The following PIK3CB variants were observed in gnomAD, a reference collection of about 807,000 sequenced individuals.
PIK3CB encodes phosphatidylinositol-4,5-bisphosphate 3-kinase catalytic subunit beta, also known as phosphatidylinositol 4,5-bisphosphate 3-kinase catalytic subunit beta isoform.
In PIK3CB, 39 loss-of-function variants were observed where a neutral mutation model predicts 136.8. That is an observed-to-expected ratio of 0.29 (90% CI 0.22 to 0.37). The LOEUF (loss-of-function observed/expected upper bound fraction) is 0.37. PIK3CB is among the 10% of genes least tolerant of loss of function. The pLI, the probability that PIK3CB is intolerant of heterozygous loss-of-function variation, is 1.00. For missense variants in PIK3CB, 868 were observed against 1,275.4 expected, an observed-to-expected ratio of 0.68 and a Z score of 4.87; for synonymous variants, 428 against 436.6, an observed-to-expected ratio of 0.98 and a Z score of 0.25.
intron 1 of PIK3CB, among the ~76,000 whole-genome samples, chr3:138,830,114 CAA>C (rs1339107433): frequency 6.6e-6 from 1 of 152,094 alleles, no homozygotes; most frequent in African/African-American, 2.4e-5. Flanking sequence ...TTGAACTCAA[CAA>C]GAGAAGGAAA....
At position 138,693,240 on chromosome 3, in the gene PIK3CB, C is replaced by T. The variant is rs533889638; in HGVS notation, c.1892+1546G>A. Among the ~76,000 whole-genome samples, 51 of 151,962 alleles carry T rather than the reference C, an allele frequency of 3.4e-4. 1 individual carries two copies. Among genetic ancestry groups the T allele is most frequent in the African/African-American group, 8.5e-4 (35 of 41,394 alleles). ...GCCCAAGTAGCTGGGACCACAGGTGCGCACCTCCACGCCCAGCTAATGTCT... is the reference window on the plus strand; with the variant it reads ...GCCCAAGTAGCTGGGACCACAGGTGTGCACCTCCACGCCCAGCTAATGTCT... On this transcript the variant is annotated intron_variant, in intron 14 of 23. Transcript: ENST00000674063.
rs565703377 is a variant in PIK3CB, at chr3:138,830,684, G to C, written c.-122+4011C>G. 4.6e-5 allele frequency among the ~76,000 whole-genome samples: 7 copies of C among 151,946 alleles called. No homozygotes were observed. The East Asian group carries it at 7.8e-4, about 17-fold the overall frequency. ...GGAGGCCGAGATGGGCGGATCACGA[G>C]GTCAGGAGATCGAGACCATCCTGGT... On this transcript the variant is annotated intron_variant, in intron 1 of 23. Coordinates refer to ENST00000674063, the MANE Select transcript of PIK3CB (RefSeq NM_006219.3).
intron 2 of PIK3CB, among the ~76,000 whole-genome samples, chr3:138,790,921 C>T (rs2046041566): frequency 6.6e-6 from 1 of 151,700 alleles, no homozygotes; most frequent in African/African-American, 2.4e-5. Context: ...CGAGATCACA[C>T]CACTGCACTC....
intron 13 of PIK3CB, among the ~76,000 whole-genome samples, 185 bp from the exon 14 acceptor site, chr3:138,695,092 A>G (rs936524022): frequency 7.2e-5 from 11 of 152,218 alleles, no homozygotes; most frequent in African/African-American, 2.7e-4. Flanking sequence ...GAAACATTCT[A>G]TAGATTAAGT....
intron 21 of PIK3CB, among the ~76,000 whole-genome samples, chr3:138,660,721 A>G (rs1271544658): frequency 6.6e-6 from 1 of 152,266 alleles, no homozygotes; most frequent in Admixed American, 6.5e-5. Flanking sequence ...ACAAAAAAAG[A>G]TAAGTATGTG....
At chr3:138,669,639 G>A (rs1198735440) in intron 19 of PIK3CB, among the ~76,000 whole-genome samples, 3 of 152,238 alleles carry the variant, frequency 2.0e-5, no homozygotes, top group East Asian at 3.9e-4. Context: ...AGGTCAGGGA[G>A]TCCTAACACA....
At position 138,684,656 on chromosome 3, in the gene PIK3CB, G is replaced by A. The variant is rs1577069690; in HGVS notation, c.2284C>T (p.Leu762=). 6.2e-7 allele frequency: 1 copy of A among 1,613,864 alleles called. No individual in the cohort carries two copies. The highest frequency in any genetic ancestry group is 8.5e-7 in the Non-Finnish European group (1 of 1,179,878). Residue 762 remains leucine (L), a synonymous_variant, in exon 17 of 24, where the codon CTG becomes TTG. Coordinates refer to ENST00000674063, the MANE Select transcript of PIK3CB (RefSeq NM_006219.3). ...REALSDLQSP[L]NPCVILSELY... ...TCTGAGAGGATAACACATGGGTTCA[G>A]GGGTGACTGCAGGTCAGAGAGGGCT...
At chr3:138,827,499 A>G (rs1347499380) in intron 1 of PIK3CB, among the ~76,000 whole-genome samples, 1 of 152,082 alleles carries the variant, frequency 6.6e-6, no homozygotes. Context: ...CTTCTACCTA[A>G]GAAATTTTTT....
intron 13 of PIK3CB, among the ~76,000 whole-genome samples, chr3:138,696,435 C>T (rs1442586816): frequency 6.6e-6 from 1 of 152,050 alleles, no homozygotes; most frequent in Non-Finnish European, 1.5e-5. Flanking sequence ...ATCCTCCTGC[C>T]TCTGCTTCCC....
At chr3:138,774,519 T>A (rs975038006) in intron 2 of PIK3CB, among the ~76,000 whole-genome samples, 1 of 152,226 alleles carries the variant, frequency 6.6e-6, no homozygotes, top group African/African-American at 2.4e-5. Context: ...TGGGTGCTTT[T>A]GAATGTCAAC....
chr3:138,832,827 T>G (rs1258568151), intron 1 of PIK3CB, among the ~76,000 whole-genome samples: 1 of 88,646 alleles, frequency 1.1e-5, no homozygotes, highest in Non-Finnish European at 2.3e-5. Flanking sequence ...CGAAACTCCG[T>G]CTCAAAAAAA....
At chr3:138,672,919 A>G (rs2043565652) in intron 19 of PIK3CB, among the ~76,000 whole-genome samples, 2 of 151,372 alleles carry the variant, frequency 1.3e-5, no homozygotes, top group South Asian at 4.2e-4. Flanking sequence ...TGAAAAAAAA[A>G]AAAAAAAAAA....
intron 19 of PIK3CB, among the ~76,000 whole-genome samples, chr3:138,669,425 AAGG>A (rs1316804798): frequency 2.4e-5 from 3 of 125,712 alleles, no homozygotes; most frequent in Admixed American, 7.9e-5. Flanking sequence ...AAAAAAAAAA[AAGG>A]GGGGGGGGAT....
intron 4 of PIK3CB, among the ~76,000 whole-genome samples, chr3:138,744,392 CAAAAAAAAAAAAAAAAAAAAAAA>C (rs60503033): frequency 2.2e-5 from 1 of 45,078 alleles, no homozygotes; most frequent in Non-Finnish European, 4.0e-5. Context: ...GAGACTCCCC[CAAAAAAAAAAAAAAAAAAAAAAA>C]AAAAAAAGGA....
intron 1 of PIK3CB, among the ~76,000 whole-genome samples, chr3:138,799,262 C>T (rs1175223664): frequency 1.3e-5 from 2 of 150,942 alleles, no homozygotes; most frequent in Admixed American, 1.3e-4. Context: ...ACTACAACCT[C>T]CACCTCCCCG....
intron 2 of PIK3CB, among the ~76,000 whole-genome samples, chr3:138,771,272 G>A (rs2045796282): frequency 6.7e-6 from 1 of 149,940 alleles, no homozygotes; most frequent in African/African-American, 2.4e-5. Flanking sequence ...ACCCAGGCTG[G>A]AGTGCAGTGG....
Position 138,759,355 on chromosome 3 carries a change from G to A in PIK3CB, c.-12C>T. ...AAACTGAAGCACATTCATAACCACG[G>A]GGCCCTAGAAATCAGTAATTAAAAC... is the stretch of plus-strand genomic sequence containing the variant. On this transcript the variant is annotated 5_prime_UTR_variant, in exon 3 of 24. Coordinates refer to ENST00000674063, the MANE Select transcript of PIK3CB (RefSeq NM_006219.3). 6.3e-7 allele frequency: 1 copy of A among 1,594,234 alleles called. No homozygotes were observed. Among genetic ancestry groups the A allele is most frequent in the Non-Finnish European group, 8.6e-7 (1 of 1,166,462 alleles).
intron 12 of PIK3CB, 70 bp downstream of exon 12, chr3:138,704,373 A>G: frequency 9.6e-7 from 1 of 1,041,824 alleles, no homozygotes; most frequent in Non-Finnish European, 1.5e-6. Context: ...GTTCATTACT[A>G]TGAGGCAAAG....
intron 14 of PIK3CB, among the ~76,000 whole-genome samples, chr3:138,693,970 A>ATATATATATATATATATAT: frequency 1.2e-5 from 1 of 85,432 alleles, no homozygotes; most frequent in African/African-American, 5.1e-5. Flanking sequence ...TATATATTAT[A>ATATATATATATATATATAT]TATATATATA....
Sources: allele counts gnomAD v4.1 joint callset (sites outside exome capture counted in the v4.1 genomes callset), GRCh38; gene constraint gnomAD v4.1.1; transcripts MANE v1.5; gene names NCBI Gene and HGNC (gene_info 2026-07-23, HGNC 2026-07-21).